Variants in NTN1 observed in about 807,000 individuals in gnomAD.
NTN1 encodes the protein netrin-1.
A neutral mutation model predicts 54.2 loss-of-function variants in NTN1; 11 were observed. The observed-to-expected ratio is 0.20, with a 90% CI of 0.13 to 0.34. The LOEUF is 0.34. Ranked by LOEUF, NTN1 falls within the 10% of genes least tolerant of loss-of-function variation. The pLI is 1.00. For synonymous variants in NTN1, 371 were observed against 382.0 expected (o/e 0.97, Z 0.33); for missense variants, 740 against 893.1 (o/e 0.83, Z 2.18).
At chr17:9,178,838 T>G (rs570084499) in intron 3 of NTN1, 1 of 152,482 alleles carries the variant, frequency 6.6e-6, no homozygotes, top group South Asian at 2.1e-4. Flanking sequence ...CAGGGAACGC[T>G]GGTGTCCTGT....
Position 9,162,899 on chromosome 17 carries a change from C to G in NTN1, c.1105C>G (p.Leu369Val). The G allele has an allele frequency of 6.2e-7, 1 of 1,613,968 alleles. No individual in the cohort carries two copies. Among genetic ancestry groups the G allele is most frequent in the South Asian group, 1.1e-5 (1 of 91,064 alleles). The change falls in exon 3 of 7, where the codon CTC (leucine) becomes GTC (valine). Residue 369 changes from leucine to valine, a missense_variant. Coordinates refer to ENST00000173229, the MANE Select transcript of NTN1 (RefSeq NM_004822.3). ...GGGGCGCAAGAGCGGAGGTGTCTGCCTCAACTGTCGCCACAACACCGCCGG... is the reference window on the plus strand; with the variant it reads ...GGGGCGCAAGAGCGGAGGTGTCTGCGTCAACTGTCGCCACAACACCGCCGG... Reference protein sequence around the residue: ...LSGRKSGGVCLNCRHNTAGRH... With the variant: ...LSGRKSGGVCVNCRHNTAGRH...
chr17:9,193,938 A>AAAAAAAAAAAC (rs796452392), intron 5 of NTN1, among the ~76,000 whole-genome samples: 1 of 108,376 alleles, frequency 9.2e-6, no homozygotes, highest in Non-Finnish European at 1.9e-5. Flanking sequence ...AAAAAAAAAA[A>AAAAAAAAAAAC]AAAAAACATT....
intron 2 of NTN1, among the ~76,000 whole-genome samples, chr17:9,157,311 G>A (rs1192497468): frequency 1.5e-5 from 2 of 137,516 alleles, no homozygotes; most frequent in Non-Finnish European, 3.4e-5. Flanking sequence ...ATCTCACATA[G>A]CCTGTAGCAC....
At chr17:9,199,543 C>A (rs943091845) in intron 5 of NTN1, among the ~76,000 whole-genome samples, 14 of 152,272 alleles carry the variant, frequency 9.2e-5, no homozygotes, top group Non-Finnish European at 4.4e-5. Context: ...TCACATGGCT[C>A]TGCCATCTTC....
chr17:9,160,350 C>T (rs2092353750), intron 2 of NTN1, among the ~76,000 whole-genome samples: 1 of 152,044 alleles, frequency 6.6e-6, no homozygotes, highest in Admixed American at 6.6e-5. Flanking sequence ...AGAGATCTGC[C>T]CACCTTGGCC....
chr17:9,087,960 A>G (rs2092094962), intron 2 of NTN1, among the ~76,000 whole-genome samples: 1 of 152,068 alleles, frequency 6.6e-6, no homozygotes, highest in South Asian at 2.1e-4. Context: ...AGATGTAGAA[A>G]CCCCAATTCG....
intron 6 of NTN1, among the ~76,000 whole-genome samples, chr17:9,231,055 G>T (rs1905792595): frequency 6.6e-6 from 1 of 152,164 alleles, no homozygotes; most frequent in Admixed American, 6.5e-5. Context: ...TCCTGGCTCA[G>T]CCGTGCCCTG....
rs1906225174 is a variant in NTN1, at chr17:9,241,858, C to T, written c.*1890C>T. The T allele has an allele frequency of 6.6e-6, 1 of 152,292 alleles. No homozygotes were observed. Among genetic ancestry groups the T allele is most frequent in the Non-Finnish European group, 1.5e-5 (1 of 68,090 alleles). The allele number at this position is 152,292 out of a possible 1,614,324, so 9.4% of individuals were successfully genotyped here. ...CAAACTCCAGAGCCCGACTTTCTGACCAGGGGCCACGCTGGCCCTCACTGC... is the reference window on the plus strand; with the variant it reads ...CAAACTCCAGAGCCCGACTTTCTGATCAGGGGCCACGCTGGCCCTCACTGC... On this transcript the variant is annotated 3_prime_UTR_variant, in exon 7 of 7. Coordinates refer to ENST00000173229, the MANE Select transcript of NTN1 (RefSeq NM_004822.3).
intron 2 of NTN1, among the ~76,000 whole-genome samples, chr17:9,073,615 T>C (rs2092039819): frequency 6.6e-6 from 1 of 152,246 alleles, no homozygotes; most frequent in East Asian, 1.9e-4. Flanking sequence ...AGGAGTCTCC[T>C]GTATACTTGA....
At chr17:9,124,488 G>A (rs1489167621) in intron 2 of NTN1, among the ~76,000 whole-genome samples, 6 of 152,230 alleles carry the variant, frequency 3.9e-5, no homozygotes, top group Non-Finnish European at 7.3e-5. Context: ...GCCACACCTT[G>A]TGCAGGGCCT....
chr17:9,091,794 A>T (rs1227947667), intron 2 of NTN1, among the ~76,000 whole-genome samples: 1 of 151,974 alleles, frequency 6.6e-6, no homozygotes, highest in East Asian at 1.9e-4. Flanking sequence ...GGCATGAAGT[A>T]CATTCACCAT....
intron 3 of NTN1, among the ~76,000 whole-genome samples, chr17:9,164,450 T>TG (rs1270143959): frequency 6.7e-6 from 1 of 149,276 alleles, no homozygotes; most frequent in Non-Finnish European, 1.5e-5. Flanking sequence ...AAGAACATCT[T>TG]GGGGGAAAAA....
chr17:9,076,177 A>G (rs1204715862), intron 2 of NTN1, among the ~76,000 whole-genome samples: 1 of 152,078 alleles, frequency 6.6e-6, no homozygotes, highest in Non-Finnish European at 1.5e-5. Context: ...GACAGCCACT[A>G]CCTTTGTTAA....
At chr17:9,180,567 G>A (rs12941275) in intron 4 of NTN1, among the ~76,000 whole-genome samples, 12,639 of 152,234 alleles carry the variant, frequency 0.083, 733 homozygotes, top group East Asian at 0.19. Flanking sequence ...TGTCCACCTG[G>A]ACCCTGGATC....
At chr17:9,205,010 C>A (rs940470889) in intron 5 of NTN1, among the ~76,000 whole-genome samples, 1 of 150,426 alleles carries the variant, frequency 6.6e-6, no homozygotes, top group Non-Finnish European at 1.5e-5. Flanking sequence ...TTCTTCTTTT[C>A]TTTCTCTTCT....
chr17:9,059,476 C>T (rs2091989415), intron 2 of NTN1, among the ~76,000 whole-genome samples: 1 of 152,186 alleles, frequency 6.6e-6, no homozygotes, highest in Non-Finnish European at 1.5e-5. Context: ...TACGTAATAT[C>T]ACTCAGCCAG....
At chr17:9,058,153 G>T (rs147333270) in intron 2 of NTN1, among the ~76,000 whole-genome samples, 2,748 of 152,232 alleles carry the variant, frequency 0.018, 96 homozygotes, top group African/African-American at 0.062. Flanking sequence ...GCCTCCCAAG[G>T]TGCTGGGATT....
the NTN1 span, among the ~76,000 whole-genome samples, chr17:9,008,291 T>A: frequency 2.1e-5 from 3 of 140,668 alleles, no homozygotes; most frequent in African/African-American, 6.5e-5. Context: ...GGCAACTTTT[T>A]AATTTAAGTT....
At chr17:9,026,013 A>G (rs2091869359) in intron 2 of NTN1, among the ~76,000 whole-genome samples, 2 of 152,206 alleles carry the variant, frequency 1.3e-5, no homozygotes, top group Non-Finnish European at 2.9e-5. Context: ...CAAGAAGTAT[A>G]TATTTTTTAA....
Sources: gnomAD v4.1 joint callset for allele counts (sites outside exome capture counted in the v4.1 genomes callset) on GRCh38, gnomAD v4.1.1 for gene constraint, MANE v1.5 for transcripts, NCBI Gene and HGNC (gene_info 2026-07-23, HGNC 2026-07-21) for gene names.